CCDC60: variants seen among roughly 807,000 people sequenced by gnomAD.
The protein encoded by CCDC60 is coiled-coil domain containing 60, also known as coiled-coil domain-containing protein 60.
A neutral mutation model predicts 63.5 loss-of-function variants in CCDC60; 54 were observed. That is an observed-to-expected ratio of 0.85 (90% CI 0.68 to 1.07). The LOEUF (loss-of-function observed/expected upper bound fraction) is 1.07. Ranked by LOEUF, CCDC60 falls within the 50% of genes least tolerant of loss-of-function variation. The pLI, the probability that CCDC60 is intolerant of heterozygous loss-of-function variation, is 0.00. For synonymous variants in CCDC60, 206 were observed against 238.8 expected, an observed-to-expected ratio of 0.86 and a Z score of 1.27; for missense variants, 651 against 684.3, an observed-to-expected ratio of 0.95 and a Z score of 0.54.
At chr12:119,384,303 A>C (rs1956038647) in intron 1 of CCDC60, among the ~76,000 whole-genome samples, 1 of 152,224 alleles carries the variant, frequency 6.6e-6, no homozygotes, top group Non-Finnish European at 1.5e-5. Flanking sequence ...AAGATGCTTC[A>C]TTAGGGGTTT....
At chr12:119,406,194 T>G (rs10849655) in intron 1 of CCDC60, among the ~76,000 whole-genome samples, 20,812 of 94,234 alleles carry the variant, frequency 0.22, 1,687 homozygotes, top group South Asian at 0.38. Flanking sequence ...TATATATAGA[T>G]ATATATATAT....
At chr12:119,366,113 A>T (rs1955837610) in intron 1 of CCDC60, among the ~76,000 whole-genome samples, 1 of 152,098 alleles carries the variant, frequency 6.6e-6, no homozygotes, top group Non-Finnish European at 1.5e-5. Context: ...GAACTCCCTC[A>T]TTTCACCCTC....
Position 119,422,857 on chromosome 12 carries a change from A to C in CCDC60, c.91-5826A>C, listed in dbSNP as rs1166552315. On this transcript the variant is annotated intron_variant, in intron 1 of 13. Transcript: ENST00000327554. ...ACTAATTACGGTTTTTGCCATTTTA[A>C]TGGCAAATGAATTTTCGGCATTCAT... Among the ~76,000 whole-genome samples the C allele has an allele frequency of 2.0e-5, 3 of 152,136 alleles. 1 individual carries two copies. The East Asian group carries it at 5.8e-4, about 29-fold the overall frequency.
At chr12:119,374,080 T>C (rs980068646) in intron 1 of CCDC60, among the ~76,000 whole-genome samples, 2 of 152,136 alleles carry the variant, frequency 1.3e-5, no homozygotes, top group African/African-American at 4.8e-5. Flanking sequence ...AAACCTATGC[T>C]GAAGAGGCAG....
chr12:119,419,294 C>G (rs1956765722), intron 1 of CCDC60, among the ~76,000 whole-genome samples: 1 of 151,976 alleles, frequency 6.6e-6, no homozygotes, highest in Non-Finnish European at 1.5e-5. Context: ...GAGTCCAGAT[C>G]ACCTATTTTG....
In CCDC60 at chr12:119,457,718, G is replaced by GT. The variant is rs533566909; in HGVS notation, c.171-14276_171-14275insT. On this transcript the variant is annotated intron_variant, in intron 2 of 13. Coordinates refer to ENST00000327554, the MANE Select transcript of CCDC60 (RefSeq NM_178499.5). ...AAAGATATTAACTTGGTGGTTGGCGGGGGGGAGAATAATACAACACATCCT... is the reference window on the plus strand; with the variant it reads ...AAAGATATTAACTTGGTGGTTGGCGGTGGGGGAGAATAATACAACACATCCT... 5.3e-5 allele frequency among the ~76,000 whole-genome samples: 8 copies of GT among 151,044 alleles called. No homozygotes were observed. The South Asian group carries it at 1.7e-3, about 31-fold the overall frequency.
chr12:119,530,741 A>G, intron 12 of CCDC60, 133 bp from the exon 13 acceptor site: 1 of 636,166 alleles, frequency 1.6e-6, no homozygotes, highest in Non-Finnish European at 2.7e-6. Flanking sequence ...CACAGAGGAA[A>G]GGTCCCTAGA....
At chr12:119,538,516 C>A (rs1953074090) in intron 13 of CCDC60, among the ~76,000 whole-genome samples, 2 of 152,222 alleles carry the variant, frequency 1.3e-5, no homozygotes, top group African/African-American at 4.8e-5. Context: ...CTGGGAGCTG[C>A]AGACTGGAGC....
chr12:119,529,795 T>A (rs1178590975), intron 12 of CCDC60, among the ~76,000 whole-genome samples: 1 of 152,140 alleles, frequency 6.6e-6, no homozygotes, highest in African/African-American at 2.4e-5. Context: ...GGAGGAAAGG[T>A]TGTTATGAAC....
At chr12:119,448,522 T>C (rs1657183612) in intron 2 of CCDC60, among the ~76,000 whole-genome samples, 1 of 152,172 alleles carries the variant, frequency 6.6e-6, no homozygotes, top group Non-Finnish European at 1.5e-5. Flanking sequence ...GAGAGTGAGC[T>C]AGAAACAGTA....
At chr12:119,486,477 G>A (rs1951442205) in intron 4 of CCDC60, among the ~76,000 whole-genome samples, 1 of 152,194 alleles carries the variant, frequency 6.6e-6, no homozygotes, top group Admixed American at 6.5e-5. Context: ...GTTGGAGGCT[G>A]CAGCCTGGTG....
chr12:119,476,965 C>T (rs1439169880), intron 3 of CCDC60, among the ~76,000 whole-genome samples: 1 of 152,248 alleles, frequency 6.6e-6, no homozygotes, highest in Non-Finnish European at 1.5e-5. Flanking sequence ...AACACCCACT[C>T]TAAAACTTAT....
chr12:119,428,883 A>G (rs1221036443), intron 2 of CCDC60, 121 bp downstream of exon 2: 2 of 642,104 alleles, frequency 3.1e-6, no homozygotes, highest in Non-Finnish European at 5.5e-6. Flanking sequence ...ACTAAGCAGA[A>G]GACTTACAGG....
chr12:119,510,273 T>C (rs988776978), intron 7 of CCDC60, among the ~76,000 whole-genome samples: 1 of 152,212 alleles, frequency 6.6e-6, no homozygotes, highest in Non-Finnish European at 1.5e-5. Flanking sequence ...CTCTTGCTAG[T>C]TCACACCTTA....
chr12:119,483,585 G>C (rs563145046), intron 4 of CCDC60, among the ~76,000 whole-genome samples: 1 of 152,174 alleles, frequency 6.6e-6, no homozygotes, highest in African/African-American at 2.4e-5. Flanking sequence ...CAATCAGCAC[G>C]GGGTGCTTGG....
chr12:119,539,833 C>T (rs1816174090), intron 13 of CCDC60, among the ~76,000 whole-genome samples: 1 of 152,234 alleles, frequency 6.6e-6, no homozygotes, highest in Admixed American at 6.5e-5. Flanking sequence ...AGGGAATCTC[C>T]TGGTCTGCGG....
At position 119,475,222 on chromosome 12, in the gene CCDC60, T is replaced by G. The variant is rs1951150211; in HGVS notation, c.341+3058T>G. Among the ~76,000 whole-genome samples, 3 of 152,154 alleles carry G rather than the reference T, an allele frequency of 2.0e-5. 1 individual carries two copies. The South Asian group carries it at 6.2e-4, about 32-fold the overall frequency. ...AGAGAAGGCATGAACTCATGGCTCT[T>G]TTTTCAGGAGCTATGCTCAGATTGA... On this transcript the variant is annotated intron_variant, in intron 3 of 13. Coordinates refer to ENST00000327554, the MANE Select transcript of CCDC60 (RefSeq NM_178499.5).
At chr12:119,361,185 AG>A (rs1213970700) in intron 1 of CCDC60, among the ~76,000 whole-genome samples, 10 of 112,548 alleles carry the variant, frequency 8.9e-5, no homozygotes, top group African/African-American at 3.2e-4. Context: ...GGAGAGGGAG[AG>A]GGAGAGGGAG....
intron 1 of CCDC60, among the ~76,000 whole-genome samples, chr12:119,409,944 C>T (rs1956563252): frequency 6.6e-6 from 1 of 152,104 alleles, no homozygotes; most frequent in Non-Finnish European, 1.5e-5. Flanking sequence ...CCAATTCCAT[C>T]CTCTTCTCAG....
Sources: allele counts gnomAD v4.1 joint callset (sites outside exome capture counted in the v4.1 genomes callset), GRCh38; gene constraint gnomAD v4.1.1; transcripts MANE v1.5; gene names NCBI Gene and HGNC (gene_info 2026-07-23, HGNC 2026-07-21).